Variants in GOLGA1 observed in about 807,000 individuals in gnomAD.
The protein encoded by GOLGA1 is golgin subfamily A member 1.
In GOLGA1, 63 loss-of-function variants were observed where a neutral mutation model predicts 119.7. The observed-to-expected ratio is 0.53, with a 90% CI of 0.43 to 0.65. GOLGA1 has a LOEUF of 0.65. Among genes scored for constraint, GOLGA1 ranks in the 30% least tolerant of loss-of-function variants. GOLGA1 has a pLI of 0.00. For synonymous variants in GOLGA1, 318 were observed against 333.4 expected, an observed-to-expected ratio of 0.95 and a Z score of 0.50; for missense variants, 798 against 912.8, an observed-to-expected ratio of 0.87 and a Z score of 1.62.
chr9:124,925,143 A>G (rs1299139224), intron 7 of GOLGA1, among the ~76,000 whole-genome samples: 2 of 152,246 alleles, frequency 1.3e-5, no homozygotes, highest in South Asian at 4.1e-4. Context: ...AAACAAAGAG[A>G]AAATTCCCTT....
chr9:124,916,644 C>G (rs1214602716), intron 10 of GOLGA1, among the ~76,000 whole-genome samples: 1 of 151,900 alleles, frequency 6.6e-6, no homozygotes, highest in African/African-American at 2.4e-5. Context: ...GAGGCTGAGG[C>G]AGGAGGATTG....
At chr9:124,921,529 T>G (rs991663981) in intron 9 of GOLGA1, among the ~76,000 whole-genome samples, 194 bp downstream of exon 9, 3 of 152,150 alleles carry the variant, frequency 2.0e-5, no homozygotes, top group Non-Finnish European at 2.9e-5. Flanking sequence ...TGTCCTGAGT[T>G]TCAGCAGCTG....
At chr9:124,893,627 T>C (rs938777305) in intron 15 of GOLGA1, among the ~76,000 whole-genome samples, 2 of 152,192 alleles carry the variant, frequency 1.3e-5, no homozygotes, top group Non-Finnish European at 2.9e-5. Context: ...CCGTTCAAGC[T>C]TACTCCTAGC....
intron 11 of GOLGA1, among the ~76,000 whole-genome samples, chr9:124,910,057 G>C (rs1424373278): frequency 6.6e-6 from 1 of 152,138 alleles, no homozygotes; most frequent in African/African-American, 2.4e-5. Context: ...AGCCTCCGGA[G>C]TAGCTTGGGA....
rs766715070 is a variant in GOLGA1 at position 124,921,129 on chromosome 9, CT to C, written c.842del (p.Lys281ArgfsTer27). On this transcript the variant is annotated frameshift_variant and splice_region_variant, in exon 10 of 23. Coordinates refer to ENST00000373555, the MANE Select transcript of GOLGA1 (RefSeq NM_002077.4). LOFTEE classifies it high-confidence loss of function. ...GGTCTTCTCCTCATATTCTACTTAC[CT>C]TTTGCAAATCAATGGAAAGCTGCTG... is the stretch of plus-strand genomic sequence containing the variant. ...LIQQLSIDLQ[K>X]VTAETQEKED... is the part of the protein sequence containing the mutation. The C allele has an allele frequency of 1.3e-6, 2 of 1,559,176 alleles. No individual in the cohort carries two copies. The highest frequency in any genetic ancestry group is 1.8e-6 in the Non-Finnish European group (2 of 1,129,926).
chr9:124,920,855 G>GAAA (rs58458904), intron 10 of GOLGA1, among the ~76,000 whole-genome samples: 5 of 110,888 alleles, frequency 4.5e-5, no homozygotes, highest in Admixed American at 1.0e-4. Flanking sequence ...CAAAAAAAAA[G>GAAA]AAAAAAAAAA....
chr9:124,912,296 C>T (rs1027733562), intron 10 of GOLGA1, among the ~76,000 whole-genome samples: 1 of 152,132 alleles, frequency 6.6e-6, no homozygotes, highest in East Asian at 1.9e-4. Context: ...GCATTACCTA[C>T]GTGGTAGAGG....
intron 15 of GOLGA1, 100 bp from the exon 16 acceptor site, chr9:124,890,578 C>G (rs886403794): frequency 3.5e-5 from 31 of 886,222 alleles, no homozygotes; most frequent in Middle Eastern, 2.1e-4. Flanking sequence ...CTTTGCAGAG[C>G]CAGACCAACA....
In GOLGA1 at chr9:124,931,365, C is replaced by G. The variant is rs757058107; in HGVS notation, c.177G>C (p.Gln59His). Residue 59 changes from glutamine to histidine, a missense_variant, in exon 4 of 23, where the codon CAG becomes CAC. Coordinates refer to ENST00000373555, the MANE Select transcript of GOLGA1 (RefSeq NM_002077.4). Reference sequence around the variant, plus strand: ...GTATCTGTTCATTCCTTCTCAGAAGCTGGGATGAAAGATCTTCTCTGGAGC... The same window carrying G: ...GTATCTGTTCATTCCTTCTCAGAAGGTGGGATGAAAGATCTTCTCTGGAGC... ...GSSSREDLSS[Q>H]LLRRNEQIRK... The G allele has an allele frequency of 1.2e-6, 2 of 1,600,546 alleles. No individual in the cohort carries two copies. The highest frequency in any genetic ancestry group is 1.1e-5 in the South Asian group (1 of 90,780).
intron 2 of GOLGA1, 75 bp from the exon 3 acceptor site, chr9:124,938,941 G>T (rs1830938393): frequency 2.3e-6 from 1 of 430,354 alleles, no homozygotes; most frequent in African/African-American, 2.0e-5. Flanking sequence ...TTAAGTTTTA[G>T]ATTTCAAAAC....
At chr9:124,902,799 C>T (rs368562184) in intron 12 of GOLGA1, among the ~76,000 whole-genome samples, 7 of 152,222 alleles carry the variant, frequency 4.6e-5, no homozygotes, top group Admixed American at 6.5e-5. Flanking sequence ...AAGGAGAGGA[C>T]GTTTTTAAGG....
intron 10 of GOLGA1, among the ~76,000 whole-genome samples, chr9:124,920,274 C>A (rs992668356): frequency 6.6e-6 from 1 of 151,670 alleles, no homozygotes; most frequent in African/African-American, 2.4e-5. Context: ...TGCACACCAC[C>A]ACAACTGGCT....
chr9:124,896,266 T>C (rs889119128), intron 15 of GOLGA1, among the ~76,000 whole-genome samples: 3 of 151,730 alleles, frequency 2.0e-5, no homozygotes, highest in Non-Finnish European at 4.4e-5. Flanking sequence ...ATACAAAAAT[T>C]AGCCAGGCAT....
At chr9:124,892,013 G>A (rs775803827) in intron 15 of GOLGA1, among the ~76,000 whole-genome samples, 12 of 151,212 alleles carry the variant, frequency 7.9e-5, no homozygotes, top group Non-Finnish European at 1.6e-4. Flanking sequence ...GGAGTGCAAT[G>A]GCACGATCTC....
At chr9:124,923,030 G>T in intron 8 of GOLGA1, 65 bp downstream of exon 8, 1 of 1,045,814 alleles carries the variant, frequency 9.6e-7, no homozygotes. Context: ...AGAGAGTGAT[G>T]ACTAGTAAAA....
intron 3 of GOLGA1, 68 bp downstream of exon 3, chr9:124,938,509 C>A: frequency 1.6e-6 from 2 of 1,280,334 alleles, no homozygotes; most frequent in East Asian, 2.3e-5. Flanking sequence ...AATAATCAAG[C>A]AATTTAAAAT....
chr9:124,879,755 T>A lies in GOLGA1; in HGVS notation c.*775A>T, dbSNP rs1206726938. ...AATGGATTTTATAGTACAGAAGACA[T>A]GTTTATAGTAGTGAAGAACTTCAGC... On this transcript the variant is annotated 3_prime_UTR_variant, in exon 23 of 23. Coordinates refer to ENST00000373555, the MANE Select transcript of GOLGA1 (RefSeq NM_002077.4). 4.7e-5 allele frequency: 3 copies of A among 64,296 alleles called. No homozygotes were observed. Among genetic ancestry groups the A allele is most frequent in the Non-Finnish European group, 9.8e-5 (3 of 30,718 alleles). 4.0% of individuals were successfully genotyped at this position (64,296 alleles called of 1,614,324 possible). A position where few individuals can be genotyped will look rare whatever the true frequency, so the allele number is the denominator to read the frequency against.
chr9:124,944,736 C>T (rs889992378), upstream of GOLGA1: 4 of 151,956 alleles, frequency 2.6e-5, no homozygotes, highest in Non-Finnish European at 5.9e-5. Flanking sequence ...TTTTGGGATT[C>T]TCATGTATGA....
intron 2 of GOLGA1, among the ~76,000 whole-genome samples, chr9:124,939,215 C>A (rs1830945241): frequency 6.6e-6 from 1 of 152,026 alleles, no homozygotes; most frequent in African/African-American, 2.4e-5. Flanking sequence ...CAGACATCAA[C>A]ATCATATATT....
Sources: allele counts gnomAD v4.1 joint callset (sites outside exome capture counted in the v4.1 genomes callset), GRCh38; gene constraint gnomAD v4.1.1; transcripts MANE v1.5; gene names NCBI Gene and HGNC (gene_info 2026-07-23, HGNC 2026-07-21).